CACNA2D3: variants seen among roughly 807,000 people sequenced by gnomAD.
CACNA2D3 encodes the protein calcium voltage-gated channel auxiliary subunit alpha2delta 3.
CACNA2D3 carries 60 observed loss-of-function variants against 160.6 expected under a neutral mutation model. The observed-to-expected ratio is 0.37, with a 90% CI of 0.30 to 0.46. CACNA2D3 has a LOEUF of 0.46. CACNA2D3 is among the 20% of genes least tolerant of loss of function. The pLI is 1.00. For missense variants in CACNA2D3, 1,205 were observed against 1,365.0 expected, an observed-to-expected ratio of 0.88 and a Z score of 1.85; for synonymous variants, 558 against 492.9, an observed-to-expected ratio of 1.13 and a Z score of -1.75.
chr3:54,324,384 C>T (rs1704076682), intron 3 of CACNA2D3, among the ~76,000 whole-genome samples: 1 of 152,158 alleles, frequency 6.6e-6, no homozygotes, highest in Admixed American at 6.5e-5. Flanking sequence ...AGTGGCCTGC[C>T]CATTACATAA....
chr3:54,588,288 C>G (rs1424207422), intron 9 of CACNA2D3, among the ~76,000 whole-genome samples: 2 of 152,152 alleles, frequency 1.3e-5, no homozygotes, highest in Non-Finnish European at 2.9e-5. Flanking sequence ...TACAAAACTT[C>G]TCAGTGCATT....
intron 11 of CACNA2D3, among the ~76,000 whole-genome samples, chr3:54,736,713 T>C (rs575564482): frequency 3.9e-5 from 6 of 152,346 alleles, no homozygotes; most frequent in African/African-American, 1.4e-4. Flanking sequence ...GGTAGTATTC[T>C]GGGATCTGCT....
chr3:54,787,602 C>T (rs753066950), intron 13 of CACNA2D3, among the ~76,000 whole-genome samples: 3 of 152,058 alleles, frequency 2.0e-5, no homozygotes, highest in Admixed American at 6.6e-5. Context: ...TTAGTTAGGC[C>T]TTTGAGTTTA....
intron 12 of CACNA2D3, among the ~76,000 whole-genome samples, chr3:54,763,843 ATG>A (rs1310984258): frequency 1.8e-5 from 1 of 56,616 alleles, no homozygotes; most frequent in Non-Finnish European, 3.8e-5. Flanking sequence ...ATGTATATAT[ATG>A]TACATATATA....
At chr3:54,182,552 C>T (rs763699527) in intron 2 of CACNA2D3, among the ~76,000 whole-genome samples, 8 of 152,180 alleles carry the variant, frequency 5.3e-5, no homozygotes, top group East Asian at 1.9e-4. Context: ...AAAAATCCAA[C>T]GAATGGCTTT....
intron 4 of CACNA2D3, among the ~76,000 whole-genome samples, chr3:54,451,373 C>T (rs1330746944): frequency 6.6e-6 from 1 of 151,032 alleles, no homozygotes; most frequent in African/African-American, 2.4e-5. Context: ...CCTCAGCCTC[C>T]CAAGTAGCTG....
intron 2 of CACNA2D3, among the ~76,000 whole-genome samples, chr3:54,164,344 C>T (rs928329689): frequency 5.9e-5 from 9 of 152,192 alleles, no homozygotes; most frequent in Non-Finnish European, 1.0e-4. Context: ...CGAGAATCCT[C>T]CCTCTGCTGC....
At chr3:54,906,208 G>T (rs1406830753) in intron 27 of CACNA2D3, among the ~76,000 whole-genome samples, 1 of 147,168 alleles carries the variant, frequency 6.8e-6, no homozygotes, top group Admixed American at 6.6e-5. Flanking sequence ...AGACAGGAAG[G>T]GAAGGAAGGG....
chr3:54,135,650 C>A (rs1699800827), intron 2 of CACNA2D3, among the ~76,000 whole-genome samples: 1 of 152,210 alleles, frequency 6.6e-6, no homozygotes, highest in African/African-American at 2.4e-5. Context: ...GGATGTGACT[C>A]CTCCTTGGAG....
At chr3:54,262,545 G>C (rs1702421281) in intron 2 of CACNA2D3, among the ~76,000 whole-genome samples, 1 of 152,000 alleles carries the variant, frequency 6.6e-6, no homozygotes, top group African/African-American at 2.4e-5. Context: ...ATATGTTCAG[G>C]CTTTCAAAAG....
chr3:54,293,267 A>T (rs545673238), intron 2 of CACNA2D3, among the ~76,000 whole-genome samples: 21 of 152,188 alleles, frequency 1.4e-4, no homozygotes, highest in African/African-American at 4.6e-4. Flanking sequence ...TAAGTTCTTT[A>T]GTGGTAATTT....
intron 35 of CACNA2D3, among the ~76,000 whole-genome samples, chr3:55,022,695 T>C (rs1422350281): frequency 6.7e-6 from 1 of 149,888 alleles, no homozygotes; most frequent in Non-Finnish European, 1.5e-5. Context: ...TTGGATTGAT[T>C]GGGTTTTTCT....
chr3:54,270,164 G>A (rs6775980), intron 2 of CACNA2D3, among the ~76,000 whole-genome samples: 2,283 of 152,258 alleles, frequency 0.015, 57 homozygotes, highest in African/African-American at 0.052. Flanking sequence ...AATTGTTAAA[G>A]CAGCCTTTAG....
chr3:54,881,892 A>C (rs751306339), intron 21 of CACNA2D3, among the ~76,000 whole-genome samples: 1 of 152,234 alleles, frequency 6.6e-6, no homozygotes, highest in Non-Finnish European at 1.5e-5. Flanking sequence ...TGAGACGCCA[A>C]ACCCCTAGAT....
intron 4 of CACNA2D3, among the ~76,000 whole-genome samples, chr3:54,490,384 C>T (rs921159606): frequency 6.6e-6 from 1 of 152,178 alleles, no homozygotes; most frequent in Non-Finnish European, 1.5e-5. Context: ...GGCCGGTTCC[C>T]GCTTCATGAA....
At chr3:55,068,829 C>T (rs1169125304) in intron 35 of CACNA2D3, among the ~76,000 whole-genome samples, 1 of 152,136 alleles carries the variant, frequency 6.6e-6, no homozygotes, top group Non-Finnish European at 1.5e-5. Flanking sequence ...CATCTTTGTA[C>T]ATGACTTCTT....
intron 29 of CACNA2D3, among the ~76,000 whole-genome samples, chr3:54,976,557 A>G (rs1702396179): frequency 6.6e-6 from 1 of 152,166 alleles, no homozygotes; most frequent in African/African-American, 2.4e-5. Flanking sequence ...TGATGCTGTG[A>G]AAAGTGAGGT....
At chr3:54,151,557 T>C (rs1700152556) in intron 2 of CACNA2D3, among the ~76,000 whole-genome samples, 1 of 152,152 alleles carries the variant, frequency 6.6e-6, no homozygotes, top group African/African-American at 2.4e-5. Context: ...CCTAAGTCCA[T>C]ATATCTACTT....
chr3:54,129,874 A>C (rs1022708387), intron 2 of CACNA2D3, among the ~76,000 whole-genome samples: 10 of 152,244 alleles, frequency 6.6e-5, no homozygotes, highest in Non-Finnish European at 1.3e-4. Context: ...TGCTCATCAC[A>C]GAACGTGCCA....
Sources: allele counts gnomAD v4.1 joint callset (sites outside exome capture counted in the v4.1 genomes callset), GRCh38; gene constraint gnomAD v4.1.1; transcripts MANE v1.5; gene names NCBI Gene and HGNC (gene_info 2026-07-23, HGNC 2026-07-21).